CDH13: variants seen among roughly 807,000 people sequenced by gnomAD.
CDH13 encodes the protein cadherin-13.
A neutral mutation model predicts 63.8 loss-of-function variants in CDH13; 24 were observed. The ratio of observed to expected loss-of-function variants is 0.38; its 90% confidence interval spans 0.27 to 0.53. CDH13 has a LOEUF of 0.53. Among genes scored for constraint, CDH13 ranks in the 20% least tolerant of loss-of-function variants. The probability of loss-of-function intolerance (pLI) is 0.85; values close to 1 mark genes in which losing one functional copy is unlikely to be tolerated. For synonymous variants in CDH13, 503 were observed against 355.3 expected, an observed-to-expected ratio of 1.42 and a Z score of -4.67; for missense variants, 1,049 against 903.1, an observed-to-expected ratio of 1.16 and a Z score of -2.07.
intron 10 of CDH13, chr16:83,710,644 CA>C (rs1907896862): frequency 6.6e-6 from 1 of 152,126 alleles, no homozygotes; most frequent in Non-Finnish European, 1.5e-5. Flanking sequence ...TGCCACTTAG[CA>C]GCCATAAGAC....
At chr16:83,674,228 A>G (rs1364898740) in intron 9 of CDH13, among the ~76,000 whole-genome samples, 43 of 152,226 alleles carry the variant, frequency 2.8e-4, no homozygotes, top group Non-Finnish European at 2.5e-4. Context: ...AAGGTAGGCC[A>G]GTCCAGGATT....
At chr16:83,596,380 C>T (rs1907258289) in intron 7 of CDH13, among the ~76,000 whole-genome samples, 1 of 152,116 alleles carries the variant, frequency 6.6e-6, no homozygotes, top group African/African-American at 2.4e-5. Context: ...TCCCACATTT[C>T]CTCTTTTCAG....
intron 1 of CDH13, among the ~76,000 whole-genome samples, chr16:82,726,712 GAGTT>G (rs1269534155): frequency 6.6e-6 from 1 of 152,258 alleles, no homozygotes; most frequent in Non-Finnish European, 1.5e-5. Context: ...AAATTTGTAA[GAGTT>G]AGCAGAGATT....
At chr16:82,890,164 G>A (rs2041028629) in intron 2 of CDH13, among the ~76,000 whole-genome samples, 1 of 152,170 alleles carries the variant, frequency 6.6e-6, no homozygotes, top group Non-Finnish European at 1.5e-5. Flanking sequence ...ATTCCTTCCT[G>A]GAATTTTGAT....
chr16:83,229,511 CG>C (rs2039942760), intron 5 of CDH13, among the ~76,000 whole-genome samples: 1 of 150,870 alleles, frequency 6.6e-6, no homozygotes, highest in Admixed American at 6.6e-5. Context: ...TTTTCTTCTA[CG>C]GGGGTTTATC....
At chr16:83,260,391 G>C (rs893776226) in intron 5 of CDH13, among the ~76,000 whole-genome samples, 1 of 152,132 alleles carries the variant, frequency 6.6e-6, no homozygotes, top group Non-Finnish European at 1.5e-5. Flanking sequence ...GTTCTGGAAA[G>C]AATTAAATTT....
chr16:82,904,482 G>A (rs1200429877), intron 2 of CDH13, among the ~76,000 whole-genome samples: 1 of 152,158 alleles, frequency 6.6e-6, no homozygotes, highest in Non-Finnish European at 1.5e-5. Flanking sequence ...ACCCTTTGTG[G>A]CAAATTGAGA....
intron 13 of CDH13, chr16:83,790,093 A>G (rs1185989018): frequency 6.6e-6 from 1 of 152,144 alleles, no homozygotes; most frequent in East Asian, 1.9e-4. Flanking sequence ...TGTTTTCTGT[A>G]TTTTCTTCAG....
chr16:83,589,643 T>A (rs1678056954), intron 7 of CDH13, among the ~76,000 whole-genome samples: 1 of 152,106 alleles, frequency 6.6e-6, no homozygotes, highest in Admixed American at 6.5e-5. Flanking sequence ...AAAAGCCTGG[T>A]GGCATTTAGA....
rs148874080 is a variant in CDH13 at position 83,058,739 on chromosome 16, C to G, written c.366+26521C>G. On this transcript the variant is annotated intron_variant, in intron 3 of 13. Transcript: ENST00000567109. ...ATGTAGTGCATTACAAACTAGAAAGCTTTTGAAGTCAGCATCTGGGATGGT... is the reference window on the plus strand; with the variant it reads ...ATGTAGTGCATTACAAACTAGAAAGGTTTTGAAGTCAGCATCTGGGATGGT... Among the ~76,000 whole-genome samples, 150 of 152,298 alleles carry G rather than the reference C, an allele frequency of 9.8e-4. 2 individuals are homozygous for G. Among genetic ancestry groups the G allele is most frequent in the African/African-American group, 3.3e-3 (139 of 41,556 alleles).
intron 5 of CDH13, among the ~76,000 whole-genome samples, chr16:83,228,552 C>T (rs2039911965): frequency 6.6e-6 from 1 of 152,192 alleles, no homozygotes; most frequent in African/African-American, 2.4e-5. Context: ...CAGGTTCAGC[C>T]TTCGGAAGGA....
chr16:82,734,195 C>G (rs753087742), intron 1 of CDH13, among the ~76,000 whole-genome samples: 1 of 152,200 alleles, frequency 6.6e-6, no homozygotes, highest in African/African-American at 2.4e-5. Flanking sequence ...AATAAAGTTC[C>G]ATTGGATCTC....
chr16:83,551,576 C>T (rs2150671391), intron 7 of CDH13, among the ~76,000 whole-genome samples: 1 of 152,314 alleles, frequency 6.6e-6, no homozygotes, highest in Non-Finnish European at 1.5e-5. Flanking sequence ...TCTGCATCTT[C>T]TTGTTTCCTA....
intron 4 of CDH13, chr16:83,171,527 G>T: frequency 6.5e-7 from 1 of 1,534,216 alleles, no homozygotes; most frequent in Non-Finnish European, 8.7e-7. Context: ...TTCAGATGAA[G>T]ATTTGGCAAG....
intron 5 of CDH13, among the ~76,000 whole-genome samples, chr16:83,256,065 A>G (rs1285769032): frequency 6.6e-6 from 1 of 152,184 alleles, no homozygotes; most frequent in East Asian, 1.9e-4. Flanking sequence ...ACAGGGTCTC[A>G]TTTTGTCACC....
chr16:83,055,403 C>A (rs1308033448), intron 3 of CDH13, among the ~76,000 whole-genome samples: 1 of 151,066 alleles, frequency 6.6e-6, no homozygotes, highest in Non-Finnish European at 1.5e-5. Flanking sequence ...AGAAAAGACA[C>A]TATGGCTAAT....
chr16:83,505,386 A>G (rs1234117148), intron 7 of CDH13, among the ~76,000 whole-genome samples: 2 of 152,144 alleles, frequency 1.3e-5, no homozygotes, highest in South Asian at 4.1e-4. Flanking sequence ...AAATCCATGC[A>G]GATTCCTCCC....
chr16:83,525,648 A>G (rs924513895), intron 7 of CDH13, among the ~76,000 whole-genome samples: 8 of 152,196 alleles, frequency 5.3e-5, no homozygotes, highest in Admixed American at 4.6e-4. Context: ...TCCATGCTTT[A>G]GTGCCCCAGA....
intron 1 of CDH13, among the ~76,000 whole-genome samples, chr16:82,662,402 G>C (rs1022569085): frequency 3.3e-5 from 5 of 152,200 alleles, no homozygotes; most frequent in African/African-American, 1.2e-4. Flanking sequence ...ATGTGTTACT[G>C]TTGTAATTAA....
Sources: gnomAD v4.1 joint callset for allele counts (sites outside exome capture counted in the v4.1 genomes callset) on GRCh38, gnomAD v4.1.1 for gene constraint, MANE v1.5 for transcripts, NCBI Gene and HGNC (gene_info 2026-07-23, HGNC 2026-07-21) for gene names.